Variants in KAT6A observed in about 807,000 individuals in gnomAD.
KAT6A encodes lysine acetyltransferase 6A.
A neutral mutation model predicts 198.4 loss-of-function variants in KAT6A; 9 were observed. The ratio of observed to expected loss-of-function variants is 0.05; its 90% CI spans 0.03 to 0.08. The LOEUF is 0.08. Ranked by LOEUF, KAT6A falls within the 10% of genes least tolerant of loss-of-function variation. The pLI is 1.00. For missense variants in KAT6A, 2,077 were observed against 2,509.9 expected (o/e 0.83, Z 3.69); for synonymous variants, 890 against 883.0 (o/e 1.01, Z -0.14).
chr8:42,012,995 A>G (rs1397893782), intron 2 of KAT6A, among the ~76,000 whole-genome samples: 1 of 152,176 alleles, frequency 6.6e-6, no homozygotes. Context: ...CAGTCTGGAA[A>G]ATGTAATATT....
At chr8:42,017,905 C>A (rs1200915604) in intron 2 of KAT6A, among the ~76,000 whole-genome samples, 1 of 152,148 alleles carries the variant, frequency 6.6e-6, no homozygotes, top group East Asian at 1.9e-4. Context: ...ACTCACCGCA[C>A]TTAGAAGTAC....
chr8:42,051,512 G>A (rs917244819), intron 1 of KAT6A, among the ~76,000 whole-genome samples: 2 of 145,846 alleles, frequency 1.4e-5, no homozygotes, highest in Non-Finnish European at 3.0e-5. Context: ...CCGAGGGAGA[G>A]CGGGCTCGCC....
intron 2 of KAT6A, among the ~76,000 whole-genome samples, chr8:42,014,062 A>C (rs944057781): frequency 6.6e-6 from 1 of 152,194 alleles, no homozygotes; most frequent in African/African-American, 2.4e-5. Flanking sequence ...TCTGAATTAC[A>C]TATGATTTGC....
At chr8:41,985,606 G>C (rs1240573147) in intron 3 of KAT6A, among the ~76,000 whole-genome samples, 1 of 152,118 alleles carries the variant, frequency 6.6e-6, no homozygotes, top group African/African-American at 2.4e-5. Flanking sequence ...CAACTACAGA[G>C]CGCAACTGTT....
At position 42,007,961 on chromosome 8, in the gene KAT6A, C is replaced by CAAAAAAAAAA. The variant is rs988491987; in HGVS notation, c.601-20408_601-20399dup. On this transcript the variant is annotated intron_variant, in intron 2 of 16. Coordinates refer to ENST00000265713, the MANE Select transcript of KAT6A (RefSeq NM_006766.5). ...TGGGCGACAGAGCGAGACTCCGTCTCAAAAAAAAAAAAAAAAAAAAAAAAA... is the reference window on the plus strand; with the variant it reads ...TGGGCGACAGAGCGAGACTCCGTCTCAAAAAAAAAAAAAAAAAAAAAAAAAAAAAAAAAAA... 2.0e-3 allele frequency among the ~76,000 whole-genome samples: 84 copies of CAAAAAAAAAA among 42,878 alleles called. 2 individuals are homozygous for CAAAAAAAAAA. Among genetic ancestry groups the CAAAAAAAAAA allele is most frequent in the African/African-American group, 7.2e-3 (81 of 11,196 alleles). The allele number at this position is 42,878 out of a possible 152,430, so 28.1% of individuals were successfully genotyped here.
chr8:41,960,153 G>A (rs1481471419), intron 8 of KAT6A, among the ~76,000 whole-genome samples: 7 of 151,186 alleles, frequency 4.6e-5, no homozygotes, highest in Non-Finnish European at 1.0e-4. Flanking sequence ...GGGGGTAGGG[G>A]TGGGGGGTTG....
At chr8:41,946,021 C>T (rs911864105) in intron 12 of KAT6A, among the ~76,000 whole-genome samples, 4 of 147,450 alleles carry the variant, frequency 2.7e-5, no homozygotes, top group African/African-American at 7.6e-5. Context: ...CAGAGCGAGA[C>T]TCTGTCTCTC....
In KAT6A at chr8:41,934,756, C is replaced by T. The variant is rs779303921; in HGVS notation, c.3464G>A (p.Gly1155Asp). The change falls in exon 17 of 17, where the codon GGC becomes GAC. Residue 1155 changes from glycine (G) to aspartate (D), a missense_variant. By Grantham distance (94) the Gly-to-Asp change is moderately conservative. Around this residue, in one of 13 missense-constraint regions of KAT6A, gnomAD observed 375 missense variants for 383.0 expected, o/e 0.98. Transcript: ENST00000265713. ...CCAGTGGATTGGTTTGCGGCTCTTG[C>T]CTTTGGGCCATCCCTTTTTCTTTTT... ...PLKKKKGWPK[G>D]KSRKPIHWKK... 6.2e-7 allele frequency: 1 copy of T among 1,614,128 alleles called. No individual in the cohort carries two copies. Among genetic ancestry groups the T allele is most frequent in the Non-Finnish European group, 8.5e-7 (1 of 1,180,024 alleles).
intron 2 of KAT6A, among the ~76,000 whole-genome samples, chr8:42,046,188 C>T (rs936052793): frequency 6.6e-6 from 1 of 152,078 alleles, no homozygotes; most frequent in Non-Finnish European, 1.5e-5. Flanking sequence ...TTTTATATAG[C>T]TAATATTTTT....
chr8:41,996,022 G>A (rs1162986838), intron 2 of KAT6A, among the ~76,000 whole-genome samples: 1 of 151,974 alleles, frequency 6.6e-6, no homozygotes, highest in East Asian at 1.9e-4. Flanking sequence ...TTTTTTAAAG[G>A]CCATAAACCT....
intron 2 of KAT6A, among the ~76,000 whole-genome samples, chr8:42,045,508 G>A (rs1802186710): frequency 6.9e-6 from 1 of 144,938 alleles, no homozygotes; most frequent in African/African-American, 2.6e-5. Context: ...GCTGCAGTAA[G>A]CCAAGATCGT....
chr8:41,976,150 C>T (rs1458318076), intron 7 of KAT6A, among the ~76,000 whole-genome samples: 1 of 152,202 alleles, frequency 6.6e-6, no homozygotes, highest in African/African-American at 2.4e-5. Flanking sequence ...AGTGAATACA[C>T]TCTCCCTCAC....
Position 41,930,922 on chromosome 8 carries a change from C to G in KAT6A, c.*1283G>C, listed in dbSNP as rs959421328. On this transcript the variant is annotated 3_prime_UTR_variant, in exon 17 of 17. Transcript: ENST00000265713. ...TGTCCCTCTTCTCATTAGCCACTCA[C>G]AGGAGAGGTGCTTGTGCACTCTGAT... The G allele has an allele frequency of 4.8e-6, 1 of 209,614 alleles. No individual in the cohort carries two copies. The highest frequency in any genetic ancestry group is 2.3e-5 in the African/African-American group (1 of 43,642). 13.0% of individuals were successfully genotyped at this position (209,614 alleles called of 1,614,324 possible).
chr8:42,044,171 G>A (rs552640902), intron 2 of KAT6A, among the ~76,000 whole-genome samples: 8 of 150,024 alleles, frequency 5.3e-5, no homozygotes, highest in Non-Finnish European at 1.0e-4. Flanking sequence ...CACAATCTAG[G>A]CTCGCTACAA....
chr8:42,006,593 T>C (rs1173513006), intron 2 of KAT6A, among the ~76,000 whole-genome samples: 4 of 152,164 alleles, frequency 2.6e-5, no homozygotes, highest in African/African-American at 4.8e-5. Context: ...TTGAGAGTCA[T>C]GTGGACGCCC....
chr8:41,975,161 G>C (rs1823986806), intron 7 of KAT6A, among the ~76,000 whole-genome samples: 1 of 152,030 alleles, frequency 6.6e-6, no homozygotes, highest in African/African-American at 2.4e-5. Context: ...GACACTTTTA[G>C]TATAGGTTTA....
chr8:41,998,690 T>C (rs1208575332), intron 2 of KAT6A, among the ~76,000 whole-genome samples: 1 of 152,168 alleles, frequency 6.6e-6, no homozygotes, highest in Non-Finnish European at 1.5e-5. Flanking sequence ...CCTTTCCTCC[T>C]AGATTCTATA....
In KAT6A at chr8:42,007,961, C is replaced by CAAA. The variant is rs988491987; in HGVS notation, c.601-20401_601-20399dup. Among the ~76,000 whole-genome samples the CAAA allele has an allele frequency of 6.6e-3, 283 of 42,774 alleles. 20 individuals are homozygous for CAAA. Among genetic ancestry groups the CAAA allele is most frequent in the African/African-American group, 0.022 (242 of 11,180 alleles). The allele number at this position is 42,774 out of a possible 152,430, so 28.1% of individuals were successfully genotyped here. On this transcript the variant is annotated intron_variant, in intron 2 of 16. Transcript: ENST00000265713. The stretch of plus-strand genomic sequence containing the variant: ...TGGGCGACAGAGCGAGACTCCGTCT[C>CAAA]AAAAAAAAAAAAAAAAAAAAAAAAA...
intron 8 of KAT6A, among the ~76,000 whole-genome samples, chr8:41,963,129 AT>A (rs1303997948): frequency 2.0e-5 from 3 of 152,166 alleles, no homozygotes; most frequent in Non-Finnish European, 4.4e-5. Flanking sequence ...AGAGGAAGAC[AT>A]TTTTTATTTA....
Sources: gnomAD v4.1 joint callset for allele counts (sites outside exome capture counted in the v4.1 genomes callset) on GRCh38, gnomAD v4.1.1 for gene constraint, gnomAD v4.1.1 regional missense constraint, MANE v1.5 for transcripts, NCBI Gene and HGNC (gene_info 2026-07-23, HGNC 2026-07-21) for gene names.